NTM: variants seen among roughly 807,000 people sequenced by gnomAD.
The protein encoded by NTM is IgLON family member 2.
Under a neutral mutation model 42.1 loss-of-function variants are expected in NTM, and 13 were observed. The observed-to-expected ratio is 0.31, with a 90% CI of 0.20 to 0.49. The LOEUF is 0.49. Ranked by LOEUF, NTM falls within the 20% of genes least tolerant of loss-of-function variation. The pLI is 0.99. For synonymous variants in NTM, 187 were observed against 179.2 expected (o/e 1.04, Z -0.35); for missense variants, 373 against 452.8 (o/e 0.82, Z 1.60).
intron 1 of NTM, among the ~76,000 whole-genome samples, chr11:131,492,265 A>G (rs1954882254): frequency 6.6e-6 from 1 of 152,232 alleles, no homozygotes; most frequent in East Asian, 1.9e-4. Flanking sequence ...TTTGTGAGTG[A>G]TTAATTGAAA....
Position 131,694,565 on chromosome 11 carries a change from C to T in NTM, c.83-216999C>T, listed in dbSNP as rs141819450. Among the ~76,000 whole-genome samples, 24 of 152,214 alleles carry T rather than the reference C, an allele frequency of 1.6e-4. No individual in the cohort carries two copies. The East Asian group carries it at 4.5e-3, about 28-fold the overall frequency. On this transcript the variant is annotated intron_variant, in intron 1 of 8. Coordinates refer to ENST00000683400, the MANE Select transcript of NTM (RefSeq NM_001352005.2). ...TCTGGGTTCTGAAGAGCTTAAGCCA[C>T]CTGCTCGGTGGCGGGAAAGGGCGTG... is the stretch of plus-strand genomic sequence containing the variant.
intron 1 of NTM, among the ~76,000 whole-genome samples, chr11:131,560,088 G>A (rs2056026013): frequency 1.3e-5 from 2 of 152,220 alleles, no homozygotes; most frequent in South Asian, 4.1e-4. Flanking sequence ...AGACAAAGGA[G>A]CACAATTGCT....
intron 2 of NTM, among the ~76,000 whole-genome samples, chr11:132,129,560 G>T (rs2066456048): frequency 6.6e-6 from 1 of 152,212 alleles, no homozygotes; most frequent in African/African-American, 2.4e-5. Flanking sequence ...GACCTCAGGT[G>T]GGTTTTTCAT....
intron 1 of NTM, among the ~76,000 whole-genome samples, chr11:131,685,383 C>G (rs950630156): frequency 6.8e-6 from 1 of 146,908 alleles, no homozygotes; most frequent in African/African-American, 2.7e-5. Context: ...GGCAGGCTGA[C>G]AGCACTCAGA....
chr11:131,370,858 A>C lies in NTM; in HGVS notation c.52A>C (p.Thr18Pro), dbSNP rs1301391685. Residue 18 changes from threonine (T) to proline (P), a missense_variant, in exon 1 of 9, where the codon ACG (threonine) becomes CCG (proline). By Grantham distance (38) the Thr-to-Pro change is conservative. This residue lies in a region of NTM where 29 missense variants were observed against 30.4 expected (regional missense o/e 0.95). Transcript: ENST00000683400. ...CAATTCTATCTCTTGGGCAATCTTC[A>C]CGGGGCTGGCTGCTCTGTGTCTCTT... is the stretch of plus-strand genomic sequence containing the variant. ...MHNSISWAIF[T>P]GLAALCLFQG... 2 of 1,614,068 alleles carry C rather than the reference A, an allele frequency of 1.2e-6. No individual in the cohort carries two copies. Among genetic ancestry groups the C allele is most frequent in the African/African-American group, 2.7e-5 (2 of 74,944 alleles).
chr11:131,625,154 T>C (rs2062973122), intron 1 of NTM, among the ~76,000 whole-genome samples: 1 of 152,140 alleles, frequency 6.6e-6, no homozygotes, highest in African/African-American at 2.4e-5. Context: ...AACCACATCA[T>C]TTAAAAAAAT....
At chr11:131,777,157 A>G in intron 1 of NTM, 3 of 660,468 alleles carry the variant, frequency 4.5e-6, no homozygotes, top group Non-Finnish European at 5.6e-6. Context: ...CATCTCCACC[A>G]ATGCCCACTA....
In NTM at chr11:131,788,511, A is replaced by C. The variant is rs536579496; in HGVS notation, c.83-123053A>C. Among the ~76,000 whole-genome samples the C allele has an allele frequency of 3.2e-4, 48 of 151,984 alleles. No individual in the cohort carries two copies. In the Middle Eastern group the frequency reaches 0.01, roughly 32 times the overall value. On this transcript the variant is annotated intron_variant, in intron 1 of 8. Coordinates refer to ENST00000683400, the MANE Select transcript of NTM (RefSeq NM_001352005.2). Reference sequence around the variant, plus strand: ...GGTAGATATTCTTTTGTATTTTTAGACCTTCCATTCTACGTTATTAACAGT... The same window carrying C: ...GGTAGATATTCTTTTGTATTTTTAGCCCTTCCATTCTACGTTATTAACAGT...
intron 1 of NTM, chr11:131,795,589 C>T (rs11222798): frequency 0.56 from 547,882 of 985,108 alleles, 153,943 homozygotes; most frequent in Non-Finnish European, 0.57. Flanking sequence ...CCCGCGAGAA[C>T]CCTGGTCCCA....
At chr11:132,066,357 A>G (rs991351631) in intron 2 of NTM, among the ~76,000 whole-genome samples, 10 of 152,180 alleles carry the variant, frequency 6.6e-5, no homozygotes, top group African/African-American at 1.9e-4. Flanking sequence ...TATTAGAGCT[A>G]GCTGGATATT....
intron 1 of NTM, among the ~76,000 whole-genome samples, chr11:131,422,838 A>G (rs1343893033): frequency 6.6e-6 from 1 of 152,200 alleles, no homozygotes; most frequent in Non-Finnish European, 1.5e-5. Context: ...TCTAAATTTT[A>G]AATAGTTGTT....
chr11:131,837,953 C>G (rs1476018855), intron 1 of NTM, among the ~76,000 whole-genome samples: 1 of 152,186 alleles, frequency 6.6e-6, no homozygotes, highest in African/African-American at 2.4e-5. Flanking sequence ...AGTTTTCAGA[C>G]AGGTTGGCCT....
At chr11:131,603,945 A>C (rs1183531550) in intron 1 of NTM, among the ~76,000 whole-genome samples, 1 of 152,120 alleles carries the variant, frequency 6.6e-6, no homozygotes, top group Non-Finnish European at 1.5e-5. Context: ...TTTAATAGAC[A>C]TGTGGATTGT....
At chr11:132,080,955 C>G (rs1250436506) in intron 2 of NTM, among the ~76,000 whole-genome samples, 1 of 152,150 alleles carries the variant, frequency 6.6e-6, no homozygotes, top group Non-Finnish European at 1.5e-5. Flanking sequence ...AAGTTTAGGG[C>G]AAGGTCCCAT....
chr11:132,126,278 C>G (rs1186298744), intron 2 of NTM, among the ~76,000 whole-genome samples: 1 of 152,028 alleles, frequency 6.6e-6, no homozygotes, highest in Non-Finnish European at 1.5e-5. Flanking sequence ...TGGTGAGTTA[C>G]TTCTTAATGG....
At chr11:131,687,219 C>T (rs560563035) in intron 1 of NTM, among the ~76,000 whole-genome samples, 1 of 152,334 alleles carries the variant, frequency 6.6e-6, no homozygotes, top group South Asian at 2.1e-4. Flanking sequence ...GAAAATTGTA[C>T]CTGCATGAAA....
At chr11:131,425,460 A>G (rs976415092) in intron 1 of NTM, among the ~76,000 whole-genome samples, 1 of 152,194 alleles carries the variant, frequency 6.6e-6, no homozygotes, top group South Asian at 2.1e-4. Context: ...CAACAACATG[A>G]TAACGGGAAC....
intron 1 of NTM, among the ~76,000 whole-genome samples, chr11:131,476,520 A>C (rs560993457): frequency 6.6e-6 from 1 of 152,198 alleles, no homozygotes; most frequent in South Asian, 2.1e-4. Context: ...TTGGTTTCCT[A>C]ATCAGTCTAT....
At chr11:131,596,056 G>A (rs563133203) in intron 1 of NTM, among the ~76,000 whole-genome samples, 17 of 152,310 alleles carry the variant, frequency 1.1e-4, no homozygotes, top group African/African-American at 2.6e-4. Context: ...CAGTGTGACC[G>A]GGACAGTGTT....
Sources: allele counts gnomAD v4.1 joint callset (sites outside exome capture counted in the v4.1 genomes callset), GRCh38; gene constraint gnomAD v4.1.1; regional missense constraint gnomAD v4.1.1; transcripts MANE v1.5; gene names NCBI Gene and HGNC (gene_info 2026-07-23, HGNC 2026-07-21).